The following TAFA5 variants were observed in gnomAD, a reference collection of about 807,000 sequenced individuals.
TAFA5 encodes chemokine-like protein TAFA-5.
A neutral mutation model predicts 15.3 loss-of-function variants in TAFA5; 6 were observed. The observed-to-expected ratio is 0.39, with a 90% confidence interval of 0.21 to 0.77. The LOEUF is 0.77. TAFA5 is among the 30% of genes least tolerant of loss of function. The probability of loss-of-function intolerance (pLI) is 0.41; values close to 1 mark genes in which losing one functional copy is unlikely to be tolerated. For missense variants in TAFA5, 161 were observed against 193.1 expected, an observed-to-expected ratio of 0.83 and a Z score of 0.98; for synonymous variants, 103 against 80.7, an observed-to-expected ratio of 1.28 and a Z score of -1.48.
chr22:48,524,537 G>A (rs969310659), intron 1 of TAFA5, among the ~76,000 whole-genome samples: 1 of 152,212 alleles, frequency 6.6e-6, no homozygotes, highest in Non-Finnish European at 1.5e-5. Context: ...TGCGGAAGAG[G>A]CATCAGCCCT....
Position 48,610,528 on chromosome 22 carries a change from C to T in TAFA5, c.113-36069C>T, listed in dbSNP as rs1382865218. On this transcript the variant is annotated intron_variant, in intron 1 of 3. Transcript: ENST00000402357. ...GACCACAGAAGGCCCATCCCCAGCA[C>T]GGAGGAGCAGAGGGGCAGGCTCGCA... Among the ~76,000 whole-genome samples, 8 of 150,666 alleles carry T rather than the reference C, an allele frequency of 5.3e-5. No individual in the cohort carries two copies. The East Asian group carries it at 9.7e-4, about 18-fold the overall frequency.
intron 1 of TAFA5, among the ~76,000 whole-genome samples, chr22:48,632,190 A>G (rs1433994654): frequency 6.6e-6 from 1 of 152,090 alleles, no homozygotes; most frequent in Non-Finnish European, 1.5e-5. Flanking sequence ...CTTCCCGGCC[A>G]CCGTCCTCAA....
chr22:48,717,223 C>A (rs549986759), intron 3 of TAFA5, among the ~76,000 whole-genome samples: 2 of 152,240 alleles, frequency 1.3e-5, no homozygotes, highest in African/African-American at 2.4e-5. Context: ...CTCAGCAGAT[C>A]GCCGAAGCCG....
chr22:48,716,883 CAG>C (rs1368319839), intron 3 of TAFA5, among the ~76,000 whole-genome samples: 2 of 152,106 alleles, frequency 1.3e-5, no homozygotes, highest in Admixed American at 6.5e-5. Context: ...TCTCAGAAAG[CAG>C]AGAGTGGAAT....
At chr22:48,671,002 C>T (rs1390828957) in intron 2 of TAFA5, among the ~76,000 whole-genome samples, 5 of 152,162 alleles carry the variant, frequency 3.3e-5, no homozygotes, top group African/African-American at 7.2e-5. Flanking sequence ...CAGAGGGAAG[C>T]GTCACCCACA....
chr22:48,624,259 A>G (rs2147184616), intron 1 of TAFA5, among the ~76,000 whole-genome samples: 1 of 152,286 alleles, frequency 6.6e-6, no homozygotes, highest in Middle Eastern at 3.4e-3. Flanking sequence ...ATCACATCCT[A>G]TCGGGGCATC....
At chr22:48,695,819 G>A (rs910575) in intron 2 of TAFA5, among the ~76,000 whole-genome samples, 23,780 of 152,160 alleles carry the variant, frequency 0.16, 2,289 homozygotes, top group Non-Finnish European at 0.22. Context: ...GCCCTCTGGC[G>A]TCACCAGAGT....
At chr22:48,628,408 G>T (rs1173948390) in intron 1 of TAFA5, among the ~76,000 whole-genome samples, 2 of 152,196 alleles carry the variant, frequency 1.3e-5, no homozygotes, top group Admixed American at 1.3e-4. Context: ...CCCCTGCTGG[G>T]GTCCTGCAGG....
intron 2 of TAFA5, among the ~76,000 whole-genome samples, chr22:48,680,565 A>T (rs1401752498): frequency 1.3e-5 from 2 of 151,974 alleles, no homozygotes; most frequent in East Asian, 3.9e-4. Context: ...AGGCAGGAGG[A>T]GCTGAGGGAC....
intron 2 of TAFA5, among the ~76,000 whole-genome samples, chr22:48,675,018 T>C (rs1033872736): frequency 2.0e-5 from 3 of 151,564 alleles, no homozygotes; most frequent in African/African-American, 7.3e-5. Flanking sequence ...CTCGGCTCAC[T>C]GCACCCTCCG....
chr22:48,563,766 C>T (rs541002611), intron 1 of TAFA5, among the ~76,000 whole-genome samples: 2 of 152,324 alleles, frequency 1.3e-5, no homozygotes, highest in Non-Finnish European at 2.9e-5. Context: ...ACACCAGCTT[C>T]CTGACAAAGG....
chr22:48,526,764 C>T (rs1210668615), intron 1 of TAFA5, among the ~76,000 whole-genome samples: 2 of 152,202 alleles, frequency 1.3e-5, no homozygotes, highest in African/African-American at 4.8e-5. Context: ...GATTGCAAGA[C>T]GGCACTTTCA....
At chr22:48,492,871 G>C (rs899444123) in intron 1 of TAFA5, among the ~76,000 whole-genome samples, 1 of 152,184 alleles carries the variant, frequency 6.6e-6, no homozygotes, top group African/African-American at 2.4e-5. Flanking sequence ...AAACCTCTCT[G>C]GGTGTGGCTT....
intron 2 of TAFA5, among the ~76,000 whole-genome samples, chr22:48,702,574 G>A (rs1045935578): frequency 4.1e-5 from 6 of 147,402 alleles, no homozygotes; most frequent in Non-Finnish European, 6.2e-5. Flanking sequence ...TTTACCTGTC[G>A]TGTGCTCAGG....
chr22:48,749,290 C>T (rs1930414180), intron 3 of TAFA5, among the ~76,000 whole-genome samples: 1 of 152,182 alleles, frequency 6.6e-6, no homozygotes, highest in Admixed American at 6.5e-5. Context: ...CCCCATCCCC[C>T]AGTATGTGGT....
At chr22:48,520,407 G>A (rs376197278) in intron 1 of TAFA5, among the ~76,000 whole-genome samples, 13 of 152,306 alleles carry the variant, frequency 8.5e-5, no homozygotes, top group South Asian at 6.2e-4. Context: ...GGCTCACCCC[G>A]AAGGCCTGGG....
At chr22:48,538,336 T>C (rs1922242337) in intron 1 of TAFA5, among the ~76,000 whole-genome samples, 1 of 152,170 alleles carries the variant, frequency 6.6e-6, no homozygotes, top group Non-Finnish European at 1.5e-5. Context: ...GCCCTCAGGC[T>C]GGTTGTGAGC....
At chr22:48,718,488 C>A (rs368574742) in intron 3 of TAFA5, among the ~76,000 whole-genome samples, 6 of 152,104 alleles carry the variant, frequency 3.9e-5, no homozygotes, top group Admixed American at 2.0e-4. Flanking sequence ...GCCTGGCAGA[C>A]CTGTGTGGGC....
chr22:48,741,899 T>C (rs1244624423), intron 3 of TAFA5, among the ~76,000 whole-genome samples: 3 of 152,278 alleles, frequency 2.0e-5, no homozygotes, highest in Non-Finnish European at 4.4e-5. Flanking sequence ...AAGGTCGCTG[T>C]GGCTTTTCTT....
Sources: gnomAD v4.1 joint callset for allele counts (sites outside exome capture counted in the v4.1 genomes callset) on GRCh38, gnomAD v4.1.1 for gene constraint, MANE v1.5 for transcripts, NCBI Gene and HGNC (gene_info 2026-07-23, HGNC 2026-07-21) for gene names.